Variants in XKR4 observed in about 807,000 individuals in gnomAD.
The protein encoded by XKR4 is XK-related protein 4.
Under a neutral mutation model 53.9 loss-of-function variants are expected in XKR4, and 12 were observed. The observed-to-expected ratio is 0.22, with a 90% CI of 0.14 to 0.36. XKR4 has a LOEUF of 0.36. XKR4 is among the 10% of genes least tolerant of loss of function. XKR4 has a pLI of 1.00. For synonymous variants in XKR4, 354 were observed against 362.4 expected (o/e 0.98, Z 0.26); for missense variants, 799 against 859.5 (o/e 0.93, Z 0.88).
At chr8:55,302,476 T>C (rs1485209093) in intron 1 of XKR4, among the ~76,000 whole-genome samples, 3 of 152,350 alleles carry the variant, frequency 2.0e-5, no homozygotes, top group South Asian at 2.1e-4. Context: ...CTTGACAATG[T>C]GGGCTCTTTT....
At chr8:55,505,550 CA>C (rs1806515055) in intron 2 of XKR4, among the ~76,000 whole-genome samples, 1 of 152,152 alleles carries the variant, frequency 6.6e-6, no homozygotes. Flanking sequence ...GACCCCATCT[CA>C]AAAACAAACA....
chr8:55,215,528 T>C (rs550900880), intron 1 of XKR4, among the ~76,000 whole-genome samples: 5 of 152,190 alleles, frequency 3.3e-5, no homozygotes, highest in Non-Finnish European at 5.9e-5. Context: ...TAGGATCAAA[T>C]TGGATTCATC....
intron 2 of XKR4, chr8:55,453,476 C>T: frequency 2.5e-6 from 1 of 396,802 alleles, no homozygotes; most frequent in Non-Finnish European, 5.0e-6. Context: ...GTGGGAGATG[C>T]AGTTGCCCAC....
intron 2 of XKR4, among the ~76,000 whole-genome samples, chr8:55,430,103 C>T (rs1407509855): frequency 1.3e-5 from 2 of 152,156 alleles, no homozygotes; most frequent in East Asian, 1.9e-4. Flanking sequence ...TACTACTTAC[C>T]TATTATAATG....
At chr8:55,269,327 G>A (rs1413832013) in intron 1 of XKR4, among the ~76,000 whole-genome samples, 1 of 151,908 alleles carries the variant, frequency 6.6e-6, no homozygotes, top group Non-Finnish European at 1.5e-5. Flanking sequence ...GAATAAGAGA[G>A]TTGATACCAT....
At chr8:55,419,763 G>C (rs964130828) in intron 2 of XKR4, among the ~76,000 whole-genome samples, 1 of 152,320 alleles carries the variant, frequency 6.6e-6, no homozygotes, top group East Asian at 1.9e-4. Context: ...CTTCAAGAAA[G>C]TTTTTGTTTG....
intron 1 of XKR4, among the ~76,000 whole-genome samples, chr8:55,238,205 C>G (rs1471854466): frequency 6.6e-6 from 1 of 152,154 alleles, no homozygotes; most frequent in Non-Finnish European, 1.5e-5. Flanking sequence ...GCCACATGTA[C>G]AGCTATGCGC....
chr8:55,111,702 C>T (rs996263475), intron 1 of XKR4, among the ~76,000 whole-genome samples: 1 of 152,088 alleles, frequency 6.6e-6, no homozygotes, highest in Non-Finnish European at 1.5e-5. Flanking sequence ...ACTGGAGAAG[C>T]CAAAATTGCC....
At position 55,359,617 on chromosome 8, in the gene XKR4, G is replaced by T. The variant is rs374644538; in HGVS notation, c.1006+1740G>T. Reference sequence around the variant, plus strand: ...GAAAATCCAGGAGCACACGTGGAGGGTTGCAAGTCACCTTCTGGTGGCCTG... The same window carrying T: ...GAAAATCCAGGAGCACACGTGGAGGTTTGCAAGTCACCTTCTGGTGGCCTG... On this transcript the variant is annotated intron_variant, in intron 2 of 2. Coordinates refer to ENST00000327381, the MANE Select transcript of XKR4 (RefSeq NM_052898.2). 1.2e-4 allele frequency among the ~76,000 whole-genome samples: 19 copies of T among 152,234 alleles called. No homozygotes were observed. The East Asian group carries it at 3.3e-3, about 26-fold the overall frequency.
intron 2 of XKR4, chr8:55,451,165 G>A: frequency 1.8e-6 from 1 of 542,556 alleles, no homozygotes; most frequent in Non-Finnish European, 3.3e-6. Flanking sequence ...TCGGGGGCCG[G>A]GGGACACCCG....
At chr8:55,523,195 T>TC (rs376349693) in intron 2 of XKR4, 86 bp from the exon 3 acceptor site, 1 of 1,226,962 alleles carries the variant, frequency 8.2e-7, no homozygotes, top group East Asian at 2.5e-5. Flanking sequence ...AAGCCAGCCT[T>TC]CCCCAAGCCC....
intron 1 of XKR4, among the ~76,000 whole-genome samples, chr8:55,325,972 G>A (rs1803286022): frequency 6.6e-6 from 1 of 152,236 alleles, no homozygotes. Context: ...TAGCATAAAT[G>A]TGCCAGGGTT....
intron 2 of XKR4, among the ~76,000 whole-genome samples, chr8:55,374,441 G>T (rs897577189): frequency 4.6e-5 from 7 of 152,204 alleles, no homozygotes; most frequent in Admixed American, 1.3e-4. Context: ...TGCACACACT[G>T]TACCTCAAGC....
chr8:55,269,068 T>C (rs964183330), intron 1 of XKR4, among the ~76,000 whole-genome samples: 1 of 152,198 alleles, frequency 6.6e-6, no homozygotes, highest in Admixed American at 6.6e-5. Context: ...GGCTACAGCT[T>C]CTACTGTGCG....
At chr8:55,222,698 T>C (rs1817897752) in intron 1 of XKR4, among the ~76,000 whole-genome samples, 1 of 152,232 alleles carries the variant, frequency 6.6e-6, no homozygotes, top group Non-Finnish European at 1.5e-5. Context: ...CTCTGGTACA[T>C]CCATGTTGAA....
At chr8:55,454,886 C>A in intron 2 of XKR4, 1 of 765,680 alleles carries the variant, frequency 1.3e-6, no homozygotes, top group Non-Finnish European at 2.4e-6. Flanking sequence ...GTGTCGTTTC[C>A]TGCTCCCAGA....
chr8:55,261,889 A>T (rs4278127), intron 1 of XKR4, among the ~76,000 whole-genome samples: 84,100 of 149,584 alleles, frequency 0.56, 26,457 homozygotes, highest in East Asian at 0.74. Flanking sequence ...TTTTTTTTTA[A>T]AAAAAAGTAT....
intron 1 of XKR4, among the ~76,000 whole-genome samples, chr8:55,348,781 T>C (rs138002787): frequency 4.0e-5 from 6 of 150,218 alleles, no homozygotes; most frequent in African/African-American, 1.2e-4. Flanking sequence ...GAGATCTAGA[T>C]AGAGTAACAG....
chr8:55,237,119 C>A (rs1818137132), intron 1 of XKR4, among the ~76,000 whole-genome samples: 1 of 152,202 alleles, frequency 6.6e-6, no homozygotes, highest in Non-Finnish European at 1.5e-5. Context: ...TCTGAGTCCA[C>A]ATAACTTTAT....
Sources: gnomAD v4.1 joint callset for allele counts (sites outside exome capture counted in the v4.1 genomes callset) on GRCh38, gnomAD v4.1.1 for gene constraint, MANE v1.5 for transcripts, NCBI Gene and HGNC (gene_info 2026-07-23, HGNC 2026-07-21) for gene names.